Variants in CACNG3 observed in about 807,000 individuals in gnomAD.
CACNG3 encodes the protein calcium voltage-gated channel auxiliary subunit gamma 3.
A neutral mutation model predicts 28.5 loss-of-function variants in CACNG3; 3 were observed. The ratio of observed to expected loss-of-function variants is 0.11; its 90% CI spans 0.05 to 0.27. The LOEUF (loss-of-function observed/expected upper bound fraction) is 0.27, where lower values mean the gene tolerates loss of function less well. Ranked by LOEUF, CACNG3 falls within the 10% of genes least tolerant of loss-of-function variation. The pLI, the probability that CACNG3 is intolerant of heterozygous loss-of-function variation, is 1.00. For missense variants in CACNG3, 236 were observed against 414.4 expected, an observed-to-expected ratio of 0.57 and a Z score of 3.74; for synonymous variants, 174 against 162.2, an observed-to-expected ratio of 1.07 and a Z score of -0.55.
rs1900111091 is a variant in CACNG3 at position 24,362,190 on chromosome 16, G to A, written c.*327G>A. 1 of 219,850 alleles carries A rather than the reference G, an allele frequency of 4.5e-6. No individual in the cohort carries two copies. The highest frequency in any genetic ancestry group is 9.0e-6 in the Non-Finnish European group (1 of 111,144). The allele number at this position is 219,850 out of a possible 1,614,324, so 13.6% of individuals were successfully genotyped here. On this transcript the variant is annotated 3_prime_UTR_variant, in exon 4 of 4. Coordinates refer to ENST00000005284, the MANE Select transcript of CACNG3 (RefSeq NM_006539.4). ...ACTTTACTAAAAGTCACAGGTGGTG[G>A]CCAGGGGGGATTTCCGAATCTCCAT...
At position 24,297,987 on chromosome 16, in the gene CACNG3, C is replaced by CTGTGTG. The variant is rs55859502; in HGVS notation, c.211+41052_211+41057dup. ...TGTCTTCTTTTCTTTTTCAAAAGAT[C>CTGTGTG]TGTGTGTGTGTGTGTGTGTGTGTGT... On this transcript the variant is annotated intron_variant, in intron 1 of 3. Coordinates refer to ENST00000005284, the MANE Select transcript of CACNG3 (RefSeq NM_006539.4). 2.0e-3 allele frequency among the ~76,000 whole-genome samples: 298 copies of CTGTGTG among 149,188 alleles called. 1 individual carries two copies. The highest frequency in any genetic ancestry group is 6.7e-3 in the African/African-American group (274 of 40,616).
At chr16:24,272,083 T>C (rs1241242194) in intron 1 of CACNG3, among the ~76,000 whole-genome samples, 1 of 151,024 alleles carries the variant, frequency 6.6e-6, no homozygotes, top group African/African-American at 2.5e-5. Flanking sequence ...TGAGTGATTA[T>C]ACATTTTCTC....
intron 1 of CACNG3, among the ~76,000 whole-genome samples, chr16:24,285,179 C>A (rs538740581): frequency 1.3e-5 from 2 of 152,134 alleles, no homozygotes; most frequent in Non-Finnish European, 2.9e-5. Context: ...TGGTCTTGGA[C>A]GTGCAAAGCC....
At chr16:24,267,305 T>G (rs1490973111) in intron 1 of CACNG3, among the ~76,000 whole-genome samples, 1 of 152,190 alleles carries the variant, frequency 6.6e-6, no homozygotes, top group African/African-American at 2.4e-5. Flanking sequence ...AAAATTGTTT[T>G]GAGACAGGGT....
intron 1 of CACNG3, among the ~76,000 whole-genome samples, chr16:24,290,107 A>C (rs1898946883): frequency 6.6e-6 from 1 of 152,262 alleles, no homozygotes; most frequent in Admixed American, 6.5e-5. Flanking sequence ...CTCAAAGTCA[A>C]CATTACTAAT....
intron 1 of CACNG3, among the ~76,000 whole-genome samples, chr16:24,341,837 G>T (rs1567222946): frequency 6.6e-6 from 1 of 152,214 alleles, no homozygotes; most frequent in Non-Finnish European, 1.5e-5. Context: ...TTTACACCCA[G>T]TCTAAAGAGG....
intron 1 of CACNG3, among the ~76,000 whole-genome samples, chr16:24,297,862 T>TCC (rs1899053037): frequency 6.6e-6 from 1 of 152,166 alleles, no homozygotes; most frequent in Admixed American, 6.5e-5. Context: ...TTCTGCATTT[T>TCC]TTTTAGTGGC....
chr16:24,313,049 G>C (rs2141365644), intron 1 of CACNG3, among the ~76,000 whole-genome samples: 1 of 144,218 alleles, frequency 6.9e-6, no homozygotes, highest in Middle Eastern at 3.6e-3. Context: ...GAAAGAGAGG[G>C]AGAGAGAGAG....
chr16:24,350,390 C>T (rs951545749), intron 2 of CACNG3, among the ~76,000 whole-genome samples: 5 of 151,648 alleles, frequency 3.3e-5, no homozygotes. Flanking sequence ...TCATAGCTCA[C>T]TGCACCCTCA....
chr16:24,267,700 C>A lies in CACNG3; in HGVS notation c.211+10735C>A, dbSNP rs139547098. Among the ~76,000 whole-genome samples, 328 of 151,996 alleles carry A rather than the reference C, an allele frequency of 2.2e-3. 2 individuals carry two copies. The highest frequency in any genetic ancestry group is 2.0e-3 in the Non-Finnish European group (137 of 67,952). ...TTTGTTTGTTTTTGAGGCAGAGTCT[C>A]GCTCTGTTGCCCAGGCTGGAGTGCA... is the stretch of plus-strand genomic sequence containing the variant. On this transcript the variant is annotated intron_variant, in intron 1 of 3. Coordinates refer to ENST00000005284, the MANE Select transcript of CACNG3 (RefSeq NM_006539.4).
In CACNG3 at chr16:24,321,372, C is replaced by T. The variant is rs572612023; in HGVS notation, c.212-25362C>T. Among the ~76,000 whole-genome samples, 8 of 150,136 alleles carry T rather than the reference C, an allele frequency of 5.3e-5. No homozygotes were observed. In the South Asian group the frequency reaches 1.5e-3, roughly 28 times the overall value. On this transcript the variant is annotated intron_variant, in intron 1 of 3. Transcript: ENST00000005284. Reference sequence around the variant, plus strand: ...TGAGGCAGGAGAATTGCTTGAACCTCAGAGGTTGCAATGAGCCGAGATCTC... The same window carrying T: ...TGAGGCAGGAGAATTGCTTGAACCTTAGAGGTTGCAATGAGCCGAGATCTC...
intron 1 of CACNG3, among the ~76,000 whole-genome samples, chr16:24,289,889 T>C (rs1210581809): frequency 6.6e-6 from 1 of 152,238 alleles, no homozygotes; most frequent in East Asian, 1.9e-4. Context: ...GCTAAGAATA[T>C]GAAAAACTTT....
At chr16:24,360,744 C>A (rs1900093824) in intron 3 of CACNG3, among the ~76,000 whole-genome samples, 1 of 152,186 alleles carries the variant, frequency 6.6e-6, no homozygotes, top group Non-Finnish European at 1.5e-5. Context: ...CAAGTTAGAA[C>A]CCTAGTAAGT....
chr16:24,280,675 G>A (rs1253629754), intron 1 of CACNG3, among the ~76,000 whole-genome samples: 1 of 151,844 alleles, frequency 6.6e-6, no homozygotes, highest in Non-Finnish European at 1.5e-5. Context: ...AATTAGCTGG[G>A]CGTGGTGGTG....
At chr16:24,294,796 T>C (rs1359665545) in intron 1 of CACNG3, among the ~76,000 whole-genome samples, 2 of 152,244 alleles carry the variant, frequency 1.3e-5, no homozygotes, top group African/African-American at 2.4e-5. Context: ...AAGAGTCTTG[T>C]GACAGTTTGT....
chr16:24,339,146 C>G (rs1020186641), intron 1 of CACNG3, among the ~76,000 whole-genome samples: 3 of 152,038 alleles, frequency 2.0e-5, no homozygotes, highest in Admixed American at 6.6e-5. Flanking sequence ...TACATCTATT[C>G]TTTTTAATTT....
intron 1 of CACNG3, among the ~76,000 whole-genome samples, chr16:24,304,421 G>T (rs1376309426): frequency 6.6e-6 from 1 of 152,052 alleles, no homozygotes; most frequent in South Asian, 2.1e-4. Context: ...ACAACTCAAT[G>T]AAATTTCATA....
chr16:24,311,957 G>C lies in CACNG3; in HGVS notation c.212-34777G>C, dbSNP rs575695268. Reference sequence around the variant, plus strand: ...ATCGTCCACAGACCAGGGTATTTCTGGTCATGATCAATCATCACGTCTGTC... The same window carrying C: ...ATCGTCCACAGACCAGGGTATTTCTCGTCATGATCAATCATCACGTCTGTC... On this transcript the variant is annotated intron_variant, in intron 1 of 3. Transcript: ENST00000005284. Among the ~76,000 whole-genome samples the C allele has an allele frequency of 2.0e-5, 3 of 152,368 alleles. No individual in the cohort carries two copies. The East Asian group carries it at 5.8e-4, about 29-fold the overall frequency.
intron 2 of CACNG3, among the ~76,000 whole-genome samples, chr16:24,348,556 GTC>G (rs1810161240): frequency 6.6e-6 from 1 of 152,172 alleles, no homozygotes; most frequent in Non-Finnish European, 1.5e-5. Flanking sequence ...TCATTGTAAT[GTC>G]TCTCTGGGCC....
Sources: allele counts gnomAD v4.1 joint callset (sites outside exome capture counted in the v4.1 genomes callset), GRCh38; gene constraint gnomAD v4.1.1; transcripts MANE v1.5; gene names NCBI Gene and HGNC (gene_info 2026-07-23, HGNC 2026-07-21).